The following ATP11B variants were observed in gnomAD, a reference collection of about 807,000 sequenced individuals.
ATP11B encodes the protein ATPase phospholipid transporting 11B (putative), also known as phospholipid-transporting ATPase IF.
ATP11B carries 81 observed loss-of-function variants against 157.8 expected under a neutral mutation model. The observed-to-expected ratio is 0.51, with a 90% CI of 0.43 to 0.62. ATP11B has a LOEUF of 0.62. Ranked by LOEUF, ATP11B falls within the 20% of genes least tolerant of loss-of-function variation. The pLI is 0.00. For missense variants in ATP11B, 1,165 were observed against 1,402.2 expected, an observed-to-expected ratio of 0.83 and a Z score of 2.70; for synonymous variants, 451 against 469.4, an observed-to-expected ratio of 0.96 and a Z score of 0.51.
At chr3:182,799,082 C>G (rs934249520) in intron 1 of ATP11B, among the ~76,000 whole-genome samples, 113 of 152,242 alleles carry the variant, frequency 7.4e-4, no homozygotes, top group African/African-American at 2.6e-3. Flanking sequence ...GGCTTTTTTT[C>G]TGTGAGTTTT....
At chr3:182,813,657 AT>A (rs1716802796) in intron 1 of ATP11B, among the ~76,000 whole-genome samples, 2 of 152,050 alleles carry the variant, frequency 1.3e-5, no homozygotes, top group African/African-American at 4.8e-5. Context: ...CCGCTTTAAA[AT>A]TTTTTCCATT....
chr3:182,898,850 AT>A, intron 28 of ATP11B, 78 bp downstream of exon 28: 1 of 1,017,206 alleles, frequency 9.8e-7, no homozygotes, highest in Non-Finnish European at 1.3e-6. Flanking sequence ...TTATAATTTG[AT>A]TATGTCAGAA....
chr3:182,831,368 A>G (rs775619968), intron 4 of ATP11B, among the ~76,000 whole-genome samples: 4 of 152,102 alleles, frequency 2.6e-5, no homozygotes, highest in Non-Finnish European at 5.9e-5. Context: ...TTTTCTGAAG[A>G]GTTCTCTCAT....
At chr3:182,812,964 A>G (rs1239096370) in intron 1 of ATP11B, among the ~76,000 whole-genome samples, 1 of 152,190 alleles carries the variant, frequency 6.6e-6, no homozygotes, top group Non-Finnish European at 1.5e-5. Context: ...GGAATCATAC[A>G]ATATTTGTCA....
At chr3:182,883,404 C>T (rs1158859081) in intron 21 of ATP11B, among the ~76,000 whole-genome samples, 1 of 151,680 alleles carries the variant, frequency 6.6e-6, no homozygotes, top group Non-Finnish European at 1.5e-5. Flanking sequence ...ATTACAGGCA[C>T]CCACCACCAT....
intron 1 of ATP11B, 54 bp from the exon 2 acceptor site, chr3:182,820,206 C>A: frequency 8.5e-7 from 1 of 1,180,300 alleles, no homozygotes; most frequent in Non-Finnish European, 1.3e-6. Context: ...AGTAAAGTAT[C>A]ATAACTAACC....
At chr3:182,900,620 A>G (rs1204512581) in intron 28 of ATP11B, among the ~76,000 whole-genome samples, 2 of 152,170 alleles carry the variant, frequency 1.3e-5, no homozygotes, top group African/African-American at 2.4e-5. Context: ...AATTCACAAT[A>G]AAAGAGTACT....
At chr3:182,850,002 G>A (rs1433750836) in intron 10 of ATP11B, among the ~76,000 whole-genome samples, 1 of 152,080 alleles carries the variant, frequency 6.6e-6, no homozygotes, top group Non-Finnish European at 1.5e-5. Context: ...ATATTTCATG[G>A]AGCCGAAGAG....
At chr3:182,863,025 C>G (rs1216375483) in intron 12 of ATP11B, among the ~76,000 whole-genome samples, 2 of 151,934 alleles carry the variant, frequency 1.3e-5, no homozygotes, top group Non-Finnish European at 2.9e-5. Context: ...ACGCCATTCT[C>G]CTGCCTCAGC....
intron 4 of ATP11B, chr3:182,830,125 G>T: frequency 4.3e-6 from 1 of 232,964 alleles, no homozygotes; most frequent in Non-Finnish European, 7.1e-6. Flanking sequence ...AGAGAGCAGG[G>T]TATATACTTC....
Position 182,908,816 on chromosome 3 carries a change from A to ATG in ATP11B, c.3319-5044_3319-5043dup, listed in dbSNP as rs993994908. On this transcript the variant is annotated intron_variant, in intron 28 of 29. Coordinates refer to ENST00000323116, the MANE Select transcript of ATP11B (RefSeq NM_014616.3). ...CAGATTTGAAAATCAGTAACATTTG[A>ATG]TGACTTGATTTTACATTAAAAAGAA... is the stretch of plus-strand genomic sequence containing the variant. 4.5e-4 allele frequency among the ~76,000 whole-genome samples: 69 copies of ATG among 152,324 alleles called. 1 individual carries two copies. Among genetic ancestry groups the ATG allele is most frequent in the African/African-American group, 1.6e-3 (66 of 41,570 alleles).
chr3:182,840,581 A>T (rs1718929420), intron 7 of ATP11B, among the ~76,000 whole-genome samples: 1 of 152,222 alleles, frequency 6.6e-6, no homozygotes, highest in African/African-American at 2.4e-5. Flanking sequence ...TCCTGAAAGA[A>T]ACCTTTTCTA....
At chr3:182,879,217 C>T (rs959015142) in intron 19 of ATP11B, among the ~76,000 whole-genome samples, 1 of 152,086 alleles carries the variant, frequency 6.6e-6, no homozygotes, top group Admixed American at 6.5e-5. Context: ...TGCAGTGAGC[C>T]ACTATACTCC....
intron 25 of ATP11B, among the ~76,000 whole-genome samples, chr3:182,895,744 T>C (rs1723501956): frequency 6.6e-6 from 1 of 152,126 alleles, no homozygotes; most frequent in African/African-American, 2.4e-5. Flanking sequence ...CAGGCTAGGG[T>C]ACTTACAGGT....
chr3:182,809,770 G>A (rs1716540072), intron 1 of ATP11B, among the ~76,000 whole-genome samples: 1 of 152,098 alleles, frequency 6.6e-6, no homozygotes, highest in Admixed American at 6.6e-5. Context: ...ATAGCTTAAG[G>A]CATAAATCAC....
chr3:182,863,147 A>C (rs1577041106), intron 12 of ATP11B, among the ~76,000 whole-genome samples: 1 of 151,696 alleles, frequency 6.6e-6, no homozygotes, highest in Non-Finnish European at 1.5e-5. Flanking sequence ...CTCGTGATCC[A>C]CCCGCCTCGG....
At chr3:182,824,066 T>A (rs1414054985) in intron 2 of ATP11B, among the ~76,000 whole-genome samples, 2 of 152,152 alleles carry the variant, frequency 1.3e-5, no homozygotes, top group Non-Finnish European at 2.9e-5. Flanking sequence ...TTTCTAGAAT[T>A]TCATATAATA....
intron 24 of ATP11B, among the ~76,000 whole-genome samples, chr3:182,888,644 T>C (rs1722959083): frequency 6.6e-6 from 1 of 152,028 alleles, no homozygotes; most frequent in Non-Finnish European, 1.5e-5. Context: ...TCTTAACATC[T>C]GGAGTAACTG....
intron 1 of ATP11B, among the ~76,000 whole-genome samples, chr3:182,809,335 G>A (rs1356268655): frequency 6.6e-6 from 1 of 151,960 alleles, no homozygotes; most frequent in Admixed American, 6.6e-5. Flanking sequence ...TGCAACCTCC[G>A]CCTCCTGGGT....
Sources: gnomAD v4.1 joint callset for allele counts (sites outside exome capture counted in the v4.1 genomes callset) on GRCh38, gnomAD v4.1.1 for gene constraint, MANE v1.5 for transcripts, NCBI Gene and HGNC (gene_info 2026-07-23, HGNC 2026-07-21) for gene names.